Variants in ZCCHC7 observed in about 807,000 individuals in gnomAD.
The protein encoded by ZCCHC7 is zinc finger CCHC domain-containing protein 7.
ZCCHC7 carries 35 observed loss-of-function variants against 52.0 expected under a neutral mutation model. The observed-to-expected ratio is 0.67, with a 90% confidence interval of 0.51 to 0.89. The LOEUF (loss-of-function observed/expected upper bound fraction) is 0.89. Ranked by LOEUF, ZCCHC7 falls within the 40% of genes least tolerant of loss-of-function variation. ZCCHC7 has a pLI of 0.00. For missense variants in ZCCHC7, 574 were observed against 649.1 expected (o/e 0.88, Z 1.26); for synonymous variants, 217 against 221.5 (o/e 0.98, Z 0.18).
chr9:37,122,525 C>T (rs1161843325), intron 1 of ZCCHC7, among the ~76,000 whole-genome samples: 1 of 152,198 alleles, frequency 6.6e-6, no homozygotes, highest in Admixed American at 6.5e-5. Context: ...AGTTTTTAAA[C>T]TCTGCTGGGA....
chr9:37,352,511 C>CTTTTTTTTTT lies in ZCCHC7; in HGVS notation c.1084-2184_1084-2175dup, dbSNP rs869266535. Among the ~76,000 whole-genome samples the CTTTTTTTTTT allele has an allele frequency of 5.1e-3, 412 of 81,556 alleles. 32 individuals carry two copies. The highest frequency in any genetic ancestry group is 0.022 in the African/African-American group (393 of 17,950). The allele number at this position is 81,556 out of a possible 152,430, so 53.5% of individuals were successfully genotyped here. On this transcript the variant is annotated intron_variant, in intron 7 of 8. Coordinates refer to ENST00000336755, the MANE Select transcript of ZCCHC7 (RefSeq NM_032226.3). Reference sequence around the variant, plus strand: ...TACCTTTGCATAATCACAATTTGCTCTTTTTTTTTTTTTTTTTTTTTTTTG... The same window carrying CTTTTTTTTTT: ...TACCTTTGCATAATCACAATTTGCTCTTTTTTTTTTTTTTTTTTTTTTTTTTTTTTTTTTG...
chr9:37,287,331 C>T (rs764650948), intron 2 of ZCCHC7, among the ~76,000 whole-genome samples: 25 of 151,892 alleles, frequency 1.6e-4, no homozygotes, highest in Non-Finnish European at 3.2e-4. Context: ...CAAAAGTATA[C>T]AGTCAACTAG....
At chr9:37,201,725 A>G (rs1823639937) in intron 2 of ZCCHC7, among the ~76,000 whole-genome samples, 1 of 152,230 alleles carries the variant, frequency 6.6e-6, no homozygotes, top group Non-Finnish European at 1.5e-5. Flanking sequence ...AGGCACTAGC[A>G]AATTACCATG....
chr9:37,175,981 CAAG>C (rs1321623504), intron 2 of ZCCHC7, among the ~76,000 whole-genome samples: 1 of 152,178 alleles, frequency 6.6e-6, no homozygotes, highest in African/African-American at 2.4e-5. Flanking sequence ...GGTTGAACAA[CAAG>C]AAATTAGTGT....
chr9:37,148,261 C>T (rs1261226730), intron 2 of ZCCHC7, among the ~76,000 whole-genome samples: 1 of 152,006 alleles, frequency 6.6e-6, no homozygotes, highest in Non-Finnish European at 1.5e-5. Context: ...CTGGTACTTA[C>T]AAAGATGAAT....
chr9:37,313,492 T>C (rs1430469660), intron 5 of ZCCHC7, among the ~76,000 whole-genome samples: 5 of 152,320 alleles, frequency 3.3e-5, no homozygotes, highest in South Asian at 2.1e-4. Context: ...TGGTTGCAAA[T>C]GTATGTGACC....
At chr9:37,333,605 G>A (rs1005105757) in intron 6 of ZCCHC7, among the ~76,000 whole-genome samples, 1 of 151,620 alleles carries the variant, frequency 6.6e-6, no homozygotes, top group African/African-American at 2.4e-5. Flanking sequence ...ATGACAAATG[G>A]AGCATCACGT....
intron 2 of ZCCHC7, among the ~76,000 whole-genome samples, chr9:37,275,357 C>T (rs1196157089): frequency 7.0e-6 from 1 of 143,472 alleles, no homozygotes; most frequent in African/African-American, 2.6e-5. Flanking sequence ...TTCATGGATG[C>T]ATCCAGGAGA....
chr9:37,314,221 A>G (rs1051130989), intron 5 of ZCCHC7, among the ~76,000 whole-genome samples: 4 of 152,308 alleles, frequency 2.6e-5, no homozygotes, highest in East Asian at 3.9e-4. Flanking sequence ...AATATTGTCT[A>G]CTTCTAGCCT....
rs746509634 is a variant in ZCCHC7 at position 37,126,749 on chromosome 9, G to T, written c.417G>T (p.Lys139Asn). The T allele has an allele frequency of 1.2e-6, 2 of 1,614,134 alleles. No individual in the cohort carries two copies. The highest frequency in any genetic ancestry group is 4.5e-5 in the East Asian group (2 of 44,868). Residue 139 changes from lysine to asparagine, a missense_variant, in exon 2 of 9, where the codon AAG (lysine) becomes AAT (asparagine). By Grantham distance (94) the Lys-to-Asn change is moderately conservative. Around this residue, in one of 3 missense-constraint regions of ZCCHC7, gnomAD observed 403 missense variants for 461.2 expected, o/e 0.87. Coordinates refer to ENST00000336755, the MANE Select transcript of ZCCHC7 (RefSeq NM_032226.3). ...VDKKCKSDIE[K>N]PKSEERSGVI... is the part of the protein sequence containing the mutation. ...AGAAATGCAAGAGTGATATTGAGAA[G>T]CCTAAATCTGAAGAGAGATCAGGTG... is the stretch of plus-strand genomic sequence containing the variant.
At chr9:37,356,352 C>G (rs1466677257) in intron 8 of ZCCHC7, among the ~76,000 whole-genome samples, 2 of 152,250 alleles carry the variant, frequency 1.3e-5, no homozygotes, top group Non-Finnish European at 2.9e-5. Context: ...AGCCAGTGAT[C>G]TCTACCCTGG....
intron 2 of ZCCHC7, among the ~76,000 whole-genome samples, chr9:37,162,440 G>A (rs1251762639): frequency 1.3e-5 from 2 of 152,130 alleles, no homozygotes; most frequent in African/African-American, 4.8e-5. Context: ...TGTCATGAGA[G>A]ATTAGTTTTG....
chr9:37,136,826 C>T (rs779843168), intron 2 of ZCCHC7, among the ~76,000 whole-genome samples: 9 of 152,144 alleles, frequency 5.9e-5, no homozygotes, highest in Non-Finnish European at 1.0e-4. Context: ...GACAGTGTCT[C>T]ACCATGTTGC....
chr9:37,264,799 T>A (rs962950130), intron 2 of ZCCHC7, among the ~76,000 whole-genome samples: 83 of 152,310 alleles, frequency 5.4e-4, no homozygotes, highest in African/African-American at 1.9e-3. Flanking sequence ...TTTTCTCTAG[T>A]CCTCTCCATA....
intron 2 of ZCCHC7, among the ~76,000 whole-genome samples, chr9:37,217,761 C>T (rs1163059521): frequency 6.6e-6 from 1 of 152,112 alleles, no homozygotes; most frequent in East Asian, 1.9e-4. Context: ...ATTCTAAAGA[C>T]ATTTACACAC....
intron 2 of ZCCHC7, among the ~76,000 whole-genome samples, chr9:37,280,353 G>A (rs1443911099): frequency 1.3e-5 from 2 of 152,100 alleles, no homozygotes; most frequent in Non-Finnish European, 2.9e-5. Flanking sequence ...GGACATAGAA[G>A]ATCAGAGTAA....
At chr9:37,219,220 A>G (rs986701486) in intron 2 of ZCCHC7, among the ~76,000 whole-genome samples, 1 of 152,244 alleles carries the variant, frequency 6.6e-6, no homozygotes. Context: ...CATCTGGCCC[A>G]ATGCCCAATT....
intron 5 of ZCCHC7, among the ~76,000 whole-genome samples, chr9:37,311,544 G>A (rs983410076): frequency 6.6e-5 from 10 of 152,090 alleles, no homozygotes; most frequent in African/African-American, 2.2e-4. Flanking sequence ...CAAGTAGCTG[G>A]GATTACAGGC....
intron 2 of ZCCHC7, among the ~76,000 whole-genome samples, chr9:37,167,491 T>C (rs1821489725): frequency 6.6e-6 from 1 of 152,212 alleles, no homozygotes; most frequent in Admixed American, 6.5e-5. Context: ...GTTTTAATGT[T>C]CTTGTCCCCT....
Sources: gnomAD v4.1 joint callset for allele counts (sites outside exome capture counted in the v4.1 genomes callset) on GRCh38, gnomAD v4.1.1 for gene constraint, gnomAD v4.1.1 regional missense constraint, MANE v1.5 for transcripts, NCBI Gene and HGNC (gene_info 2026-07-23, HGNC 2026-07-21) for gene names.